The following SCN1A variants were observed in gnomAD, a reference collection of about 807,000 sequenced individuals.
The protein encoded by SCN1A is sodium channel protein type 1 subunit alpha.
A neutral mutation model predicts 193.7 loss-of-function variants in SCN1A; 13 were observed. That is an observed-to-expected ratio of 0.07 (90% CI 0.04 to 0.11). The LOEUF (loss-of-function observed/expected upper bound fraction) is 0.11. SCN1A is among the 10% of genes least tolerant of loss of function. The pLI, the probability that SCN1A is intolerant of heterozygous loss-of-function variation, is 1.00. For missense variants in SCN1A, 1,432 were observed against 2,451.1 expected, an observed-to-expected ratio of 0.58 and a Z score of 8.78; for synonymous variants, 781 against 843.6, an observed-to-expected ratio of 0.93 and a Z score of 1.29.
At chr2:166,085,051 T>C (rs888674596) in intron 2 of SCN1A, among the ~76,000 whole-genome samples, 1 of 152,194 alleles carries the variant, frequency 6.6e-6, no homozygotes, top group African/African-American at 2.4e-5. Flanking sequence ...CCACTGCCAC[T>C]GGACCACCCC....
chr2:166,118,028 T>C (rs1344021875), intron 2 of SCN1A, among the ~76,000 whole-genome samples: 12 of 151,952 alleles, frequency 7.9e-5, no homozygotes, highest in Middle Eastern at 3.4e-3. Context: ...CTATGAACAT[T>C]CTGAGAACAT....
chr2:166,024,011 A>G (rs777164569), intron 19 of SCN1A, among the ~76,000 whole-genome samples: 59 of 152,148 alleles, frequency 3.9e-4, no homozygotes, highest in Non-Finnish European at 6.3e-4. Flanking sequence ...TCCTGACCTC[A>G]GGTGATCCAC....
At chr2:166,098,399 T>C (rs1687636151) in intron 2 of SCN1A, among the ~76,000 whole-genome samples, 1 of 152,046 alleles carries the variant, frequency 6.6e-6, no homozygotes, top group Admixed American at 6.6e-5. Flanking sequence ...GCCAACATCA[T>C]ACTGAGGAGG....
rs762618716 is a variant in SCN1A at position 166,007,158 on chromosome 2, A to G, written c.4002+2561T>C. ...TGGTGCAATAATAGTACCCTTCCCA[A>G]TCCCTCCCTCACCCCACTACACATA... On this transcript the variant is annotated intron_variant, in intron 23 of 28. Transcript: ENST00000674923. 1.3e-5 allele frequency: 2 copies of G among 150,766 alleles called. No homozygotes were observed. 9.3% of individuals were successfully genotyped at this position (150,766 alleles called of 1,614,324 possible). A position where few individuals can be genotyped will look rare whatever the true frequency, so the allele number is the denominator to read the frequency against.
At chr2:166,145,982 G>A (rs1692305631) in intron 1 of SCN1A, among the ~76,000 whole-genome samples, 1 of 152,062 alleles carries the variant, frequency 6.6e-6, no homozygotes, top group African/African-American at 2.4e-5. Flanking sequence ...GATGGGATGG[G>A]GAAGGGAGAA....
chr2:166,132,761 C>T (rs929278518), upstream of SCN1A, among the ~76,000 whole-genome samples: 26 of 151,928 alleles, frequency 1.7e-4, 1 homozygote, highest in African/African-American at 6.3e-4. Context: ...TCCATACATT[C>T]CATAAATTAA....
chr2:166,121,576 T>C (rs1690599845), intron 2 of SCN1A, among the ~76,000 whole-genome samples: 1 of 152,178 alleles, frequency 6.6e-6, no homozygotes, highest in Non-Finnish European at 1.5e-5. Flanking sequence ...TGCCTGTAAT[T>C]ACAAACCTAA....
At chr2:166,125,794 G>A (rs1691177269) in intron 2 of SCN1A, among the ~76,000 whole-genome samples, 1 of 151,990 alleles carries the variant, frequency 6.6e-6, no homozygotes, top group South Asian at 2.1e-4. Flanking sequence ...CCTTGCCCCA[G>A]CCCATAGATG....
At chr2:166,101,077 T>C (rs1212066302) in intron 2 of SCN1A, among the ~76,000 whole-genome samples, 5 of 113,376 alleles carry the variant, frequency 4.4e-5, no homozygotes, top group Admixed American at 1.0e-4. Flanking sequence ...TATTGCGGCA[T>C]TATTCACAAT....
In SCN1A at chr2:165,987,763, C is replaced by A. The variant is rs750753824; in HGVS notation, c.*3482G>T. On this transcript the variant is annotated 3_prime_UTR_variant, in exon 29 of 29. Coordinates refer to ENST00000674923, the MANE Select transcript of SCN1A (RefSeq NM_001165963.4). ...ACAGAAAATATCATGCCAAATATTT[C>A]AAAATGAATATGGAGATTTATATGA... 2.6e-5 allele frequency: 4 copies of A among 152,056 alleles called. No homozygotes were observed. Among genetic ancestry groups the A allele is most frequent in the Non-Finnish European group, 5.9e-5 (4 of 68,020 alleles). The allele number at this position is 152,056 out of a possible 1,614,324, so 9.4% of individuals were successfully genotyped here.
chr2:166,134,145 G>A (rs1447708336), intron 1 of SCN1A, among the ~76,000 whole-genome samples: 1 of 152,108 alleles, frequency 6.6e-6, no homozygotes, highest in African/African-American at 2.4e-5. Context: ...ATAGGGTTTT[G>A]CTAATCATTG....
At chr2:166,020,171 A>G (rs541485808) in intron 19 of SCN1A, among the ~76,000 whole-genome samples, 22 of 152,010 alleles carry the variant, frequency 1.4e-4, no homozygotes, top group African/African-American at 5.1e-4. Context: ...CGGCCTCCCA[A>G]AGTGCTGGGA....
chr2:166,022,453 G>A (rs922205324), intron 19 of SCN1A, among the ~76,000 whole-genome samples: 26 of 152,082 alleles, frequency 1.7e-4, no homozygotes, highest in East Asian at 5.8e-4. Context: ...GTTATTTCAG[G>A]GGTTTAATCT....
Position 166,036,473 on chromosome 2 carries a change from C to T in SCN1A, c.3004G>A (p.Ala1002Thr), listed in dbSNP as rs1696393331. ...TTCATTTCATTATCATCATCAGTGGCTGCAAGGTTGTCTGCACTAAATGAG... is the reference window on the plus strand; with the variant it reads ...TTCATTTCATTATCATCATCAGTGGTTGCAAGGTTGTCTGCACTAAATGAG... ...LSSFSADNLA[A>T]TDDDNEMNNL... Residue 1002 changes from alanine (A) to threonine (T), a missense_variant, in exon 19 of 29, where the codon GCC (alanine) becomes ACC (threonine). Around this residue, in one of 18 missense-constraint regions of SCN1A, gnomAD observed 13 missense variants for 20.6 expected, o/e 0.63. Coordinates refer to ENST00000674923, the MANE Select transcript of SCN1A (RefSeq NM_001165963.4). 1 of 1,612,028 alleles carries T rather than the reference C, an allele frequency of 6.2e-7. No individual in the cohort carries two copies. Among genetic ancestry groups the T allele is most frequent in the Non-Finnish European group, 8.5e-7 (1 of 1,179,398 alleles).
intron 2 of SCN1A, among the ~76,000 whole-genome samples, chr2:166,124,357 G>A (rs1033193504): frequency 1.3e-5 from 2 of 151,532 alleles, no homozygotes; most frequent in Non-Finnish European, 2.9e-5. Context: ...GAGACTAGCC[G>A]GGCCAACATA....
intron 23 of SCN1A, among the ~76,000 whole-genome samples, chr2:166,008,141 CCT>C (rs1313638029): frequency 6.6e-6 from 1 of 151,000 alleles, no homozygotes; most frequent in Admixed American, 6.6e-5. Context: ...CAAAAACTAA[CCT>C]CTTTTAATAT....
Position 166,015,668 on chromosome 2 carries a change from T to C in SCN1A, c.3489A>G (p.Val1163=). 1 of 1,612,994 alleles carries C rather than the reference T, an allele frequency of 6.2e-7. No individual in the cohort carries two copies. The highest frequency in any genetic ancestry group is 2.2e-5 in the East Asian group (1 of 44,834). Residue 1163 remains valine (V), a synonymous_variant, in exon 20 of 29, where the codon GTA becomes GTG. Coordinates refer to ENST00000674923, the MANE Select transcript of SCN1A (RefSeq NM_001165963.4). ...EGSTVDIGAP[V]EEQPVVEPEE... ...CAGGTTCCACTACGGGCTGTTCTTC[T>C]ACAGGTGCGCCGATGTCCACAGTGC...
intron 19 of SCN1A, among the ~76,000 whole-genome samples, chr2:166,020,291 T>C (rs1480893459): frequency 6.6e-6 from 1 of 152,166 alleles, no homozygotes; most frequent in East Asian, 1.9e-4. Context: ...ATAATTGCTC[T>C]CTTATTTAAA....
intron 7 of SCN1A, chr2:166,053,266 T>C (rs1291870473): frequency 1.7e-6 from 1 of 602,420 alleles, no homozygotes; most frequent in East Asian, 2.8e-5. Context: ...ATTCCATCAT[T>C]AATCTTTGTT....
Sources: gnomAD v4.1 joint callset for allele counts (sites outside exome capture counted in the v4.1 genomes callset) on GRCh38, gnomAD v4.1.1 for gene constraint, gnomAD v4.1.1 regional missense constraint, MANE v1.5 for transcripts, NCBI Gene and HGNC (gene_info 2026-07-23, HGNC 2026-07-21) for gene names.